The following AGXT2 variants were observed in gnomAD, a reference collection of about 807,000 sequenced individuals.
AGXT2 encodes the protein alanine--glyoxylate aminotransferase 2, mitochondrial.
AGXT2 carries 61 observed loss-of-function variants against 62.5 expected under a neutral mutation model. The ratio of observed to expected loss-of-function variants is 0.98; its 90% confidence interval spans 0.79 to 1.21. The LOEUF is 1.21. Among genes scored for constraint, AGXT2 ranks in the 50% most tolerant of loss-of-function variants. The probability of loss-of-function intolerance (pLI) is 0.00; values close to 1 mark genes in which losing one functional copy is unlikely to be tolerated. For synonymous variants in AGXT2, 243 were observed against 218.7 expected (o/e 1.11, Z -0.98); for missense variants, 666 against 641.5 (o/e 1.04, Z -0.41).
chr5:35,009,465 G>A (rs1194830583), intron 12 of AGXT2, among the ~76,000 whole-genome samples: 3 of 152,068 alleles, frequency 2.0e-5, no homozygotes, highest in Non-Finnish European at 4.4e-5. Context: ...GTATGGTGGT[G>A]TGTGCCTGTA....
intron 9 of AGXT2, among the ~76,000 whole-genome samples, chr5:35,020,371 C>A (rs1401704996): frequency 2.0e-5 from 3 of 152,128 alleles, no homozygotes; most frequent in Non-Finnish European, 4.4e-5. Context: ...AAAGCTTATC[C>A]ACCATGATCA....
intron 9 of AGXT2, among the ~76,000 whole-genome samples, chr5:35,017,273 C>T (rs116272043): frequency 3.8e-4 from 58 of 152,294 alleles, no homozygotes; most frequent in African/African-American, 1.2e-3. Context: ...TTCCTACTAA[C>T]GGCATAAGCT....
intron 9 of AGXT2, among the ~76,000 whole-genome samples, chr5:35,020,471 A>C (rs1767026190): frequency 6.6e-6 from 1 of 152,194 alleles, no homozygotes; most frequent in South Asian, 2.1e-4. Flanking sequence ...AAAGACAAAA[A>C]CCACATGATT....
At chr5:35,012,308 C>T (rs1308717899) in intron 11 of AGXT2, 1 of 152,550 alleles carries the variant, frequency 6.6e-6, no homozygotes, top group Admixed American at 6.5e-5. Flanking sequence ...AAAGTATATA[C>T]AGCAGAATGA....
chr5:35,002,330 T>C (rs896995349), intron 13 of AGXT2, among the ~76,000 whole-genome samples: 11 of 152,240 alleles, frequency 7.2e-5, no homozygotes, highest in African/African-American at 2.6e-4. Flanking sequence ...AAATTGAAGA[T>C]GCAAGAAAAC....
At chr5:35,015,239 C>T (rs766716211) in intron 9 of AGXT2, among the ~76,000 whole-genome samples, 3 of 152,120 alleles carry the variant, frequency 2.0e-5, no homozygotes, top group Non-Finnish European at 4.4e-5. Context: ...TGGGCATGTC[C>T]GATGGCAGGG....
chr5:35,032,685 C>T, intron 7 of AGXT2, 47 bp downstream of exon 7: 1 of 1,487,968 alleles, frequency 6.7e-7, no homozygotes, highest in Non-Finnish European at 9.2e-7. Flanking sequence ...ATTCGTGTCC[C>T]TTCCAACTTC....
At position 35,047,868 on chromosome 5, in the gene AGXT2, G is replaced by A. The variant is rs778261076; in HGVS notation, c.25C>T (p.Leu9=). The A allele has an allele frequency of 1.1e-5, 17 of 1,613,928 alleles. No homozygotes were observed. The highest frequency in any genetic ancestry group is 1.4e-5 in the Non-Finnish European group (17 of 1,179,990). Residue 9 remains leucine, a synonymous_variant, in exon 1 of 14, where the codon CTG becomes TTG. Coordinates refer to ENST00000231420, the MANE Select transcript of AGXT2 (RefSeq NM_031900.4). MTLIWRHL[L]RPLCLVTSAP... ...GAAGTGACCAGGCACAAGGGTCTCA[G>A]CAAATGTCTCCAGATTAGAGTCATT...
At chr5:35,044,749 C>T (rs1203174234) in intron 1 of AGXT2, among the ~76,000 whole-genome samples, 1 of 152,188 alleles carries the variant, frequency 6.6e-6, no homozygotes, top group Non-Finnish European at 1.5e-5. Flanking sequence ...CTCCTCGATT[C>T]CTGATTCTGA....
At chr5:35,012,571 A>C (rs189166973) in intron 11 of AGXT2, 325 of 304,894 alleles carry the variant, frequency 1.1e-3, no homozygotes, top group Non-Finnish European at 1.7e-3. Context: ...TAGTCATTCA[A>C]TTTATAATAG....
At chr5:35,037,603 T>A (rs534697162) in intron 3 of AGXT2, among the ~76,000 whole-genome samples, 5 of 147,690 alleles carry the variant, frequency 3.4e-5, no homozygotes, top group Non-Finnish European at 6.0e-5. Context: ...GGGCAGTGGC[T>A]ATTCACAGGC....
chr5:34,998,754 C>T lies in AGXT2; in HGVS notation c.1510G>A (p.Ala504Thr). The T allele has an allele frequency of 1.2e-6, 2 of 1,613,862 alleles. No homozygotes were observed. The highest frequency in any genetic ancestry group is 1.7e-6 in the Non-Finnish European group (2 of 1,179,898). ...CTTCTTTCCATGTGTTGGGTTAAGGCAGAACGAAATACTTCTACTGCAAAA... is the reference window on the plus strand; with the variant it reads ...CTTCTTTCCATGTGTTGGGTTAAGGTAGAACGAAATACTTCTACTGCAAAA... ...VDFAVEVFRS[A>T]LTQHMERRAK Residue 504 changes from alanine to threonine, a missense_variant, in exon 14 of 14, where the codon GCC becomes ACC. Coordinates refer to ENST00000231420, the MANE Select transcript of AGXT2 (RefSeq NM_031900.4).
intron 13 of AGXT2, 148 bp from the exon 14 acceptor site, chr5:34,998,974 T>C: frequency 1.4e-6 from 1 of 704,026 alleles, no homozygotes; most frequent in East Asian, 2.7e-5. Context: ...TCCCCAATGC[T>C]GAATCCAGGC....
intron 1 of AGXT2, among the ~76,000 whole-genome samples, chr5:35,042,915 C>A (rs10521022): frequency 2.6e-5 from 4 of 151,926 alleles, no homozygotes; most frequent in Admixed American, 1.3e-4. Flanking sequence ...GCTAACCAGA[C>A]GACAGCTAAT....
chr5:35,001,663 T>C (rs1388541189), intron 13 of AGXT2, among the ~76,000 whole-genome samples: 1 of 152,196 alleles, frequency 6.6e-6, no homozygotes, highest in Non-Finnish European at 1.5e-5. Context: ...CTCCACTGAC[T>C]ACTCAAGCCT....
At chr5:35,018,094 T>A (rs561016004) in intron 9 of AGXT2, among the ~76,000 whole-genome samples, 1 of 152,296 alleles carries the variant, frequency 6.6e-6, no homozygotes, top group South Asian at 2.1e-4. Flanking sequence ...AATCTACGTC[T>A]GATTGGTGTA....
intron 9 of AGXT2, among the ~76,000 whole-genome samples, chr5:35,019,334 C>T (rs1277870937): frequency 1.3e-5 from 2 of 149,454 alleles, no homozygotes; most frequent in African/African-American, 2.5e-5. Context: ...GTAAAGCTCT[C>T]CTCAGCAAAT....
rs373380683 is a variant in AGXT2, at chr5:35,014,039, C to T, written c.1044G>A (p.Met348Ile). 1.0e-4 allele frequency: 167 copies of T among 1,614,056 alleles called. No individual in the cohort carries two copies. The highest frequency in any genetic ancestry group is 1.4e-4 in the Non-Finnish European group (161 of 1,180,036). The change falls in exon 10 of 14, where the codon ATG becomes ATA. Residue 348 changes from methionine (M) to isoleucine (I), a missense_variant. Transcript: ENST00000231420. ...GAAAGCCATTCCCAATCCCTTTAGC[C>T]ATGGTGACAATGTCAGGCAGGACAT... ...THDVLPDIVT[M>I]AKGIGNGFPM...
At chr5:35,004,684 G>A (rs893934080) in intron 12 of AGXT2, among the ~76,000 whole-genome samples, 1 of 152,232 alleles carries the variant, frequency 6.6e-6, no homozygotes, top group Admixed American at 6.5e-5. Context: ...TTGGAAGCAG[G>A]GCTTAGGCAT....
Sources: allele counts gnomAD v4.1 joint callset (sites outside exome capture counted in the v4.1 genomes callset), GRCh38; gene constraint gnomAD v4.1.1; transcripts MANE v1.5; gene names NCBI Gene and HGNC (gene_info 2026-07-23, HGNC 2026-07-21).